ZNF541: variants seen among roughly 807,000 people sequenced by gnomAD.
ZNF541 encodes zinc finger protein 541.
A neutral mutation model predicts 123.5 loss-of-function variants in ZNF541; 23 were observed. The ratio of observed to expected loss-of-function variants is 0.19; its 90% CI spans 0.13 to 0.26. The LOEUF (loss-of-function observed/expected upper bound fraction) is 0.26. Among genes scored for constraint, ZNF541 ranks in the 10% least tolerant of loss-of-function variants. The pLI, the probability that ZNF541 is intolerant of heterozygous loss-of-function variation, is 1.00. For synonymous variants in ZNF541, 751 were observed against 754.5 expected (o/e 1.00, Z 0.08); for missense variants, 1,612 against 1,789.9 (o/e 0.90, Z 1.79).
chr19:47,544,023 G>T, intron 5 of ZNF541, 103 bp downstream of exon 5: 1 of 1,329,716 alleles, frequency 7.5e-7, no homozygotes, highest in Non-Finnish European at 1.0e-6. Flanking sequence ...CTGTAAAATT[G>T]CATCTGGGGA....
At chr19:47,548,774 G>A (rs1355618507) in intron 4 of ZNF541, among the ~76,000 whole-genome samples, 1 of 152,112 alleles carries the variant, frequency 6.6e-6, no homozygotes, top group Non-Finnish European at 1.5e-5. Context: ...GCGCTCTGAT[G>A]GTGTGAGAAG....
intron 4 of ZNF541, 72 bp downstream of exon 4, chr19:47,549,173 G>C: frequency 4.6e-6 from 7 of 1,536,262 alleles, no homozygotes; most frequent in Non-Finnish European, 6.1e-6. Context: ...GGGAGAATAG[G>C]AAGAAGACCC....
chr19:47,545,679 G>A lies in ZNF541; in HGVS notation c.850C>T (p.His284Tyr). 6.5e-7 allele frequency: 1 copy of A among 1,548,826 alleles called. No individual in the cohort carries two copies. The highest frequency in any genetic ancestry group is 8.7e-7 in the Non-Finnish European group (1 of 1,146,778). The change falls in exon 5 of 17, where the codon CAC (histidine) becomes TAC (tyrosine). Residue 284 changes from histidine to tyrosine, a missense_variant. Around this residue, in one of 5 missense-constraint regions of ZNF541, gnomAD observed 1,080 missense variants for 1,013.8 expected, o/e 1.07. Coordinates refer to ENST00000391901, the MANE Select transcript of ZNF541 (RefSeq NM_001277075.3). The surrounding 1 kb of genome is among the most constrained non-coding windows in gnomAD (Gnocchi z 7.5). ...GGGCCAGGAGAAGGGGTCTTCTGGTGGACGATGCTACTCACGATGCGGCGC... is the reference window on the plus strand; with the variant it reads ...GGGCCAGGAGAAGGGGTCTTCTGGTAGACGATGCTACTCACGATGCGGCGC... ...LLRRIVSSIV[H>Y]QKTPSPGPAP... is the part of the protein sequence containing the mutation.
chr19:47,533,202 C>T (rs575036043), intron 9 of ZNF541, among the ~76,000 whole-genome samples: 3 of 151,118 alleles, frequency 2.0e-5, no homozygotes, highest in South Asian at 2.1e-4. Context: ...AACCCTGTTC[C>T]TACTTAAAAT....
intron 5 of ZNF541, among the ~76,000 whole-genome samples, chr19:47,542,543 T>C (rs184969762): frequency 1.3e-5 from 2 of 152,034 alleles, no homozygotes; most frequent in East Asian, 1.9e-4. Context: ...TCCCAGCTAC[T>C]TGGAAGGCCC....
chr19:47,552,197 T>G (rs1391353006), intron 3 of ZNF541, among the ~76,000 whole-genome samples: 1 of 152,166 alleles, frequency 6.6e-6, no homozygotes, highest in Non-Finnish European at 1.5e-5. Context: ...TTATCAGGGA[T>G]ACTATGGAGA....
intron 2 of ZNF541, among the ~76,000 whole-genome samples, chr19:47,563,568 C>T (rs1379087710): frequency 1.3e-5 from 2 of 152,126 alleles, no homozygotes; most frequent in African/African-American, 4.8e-5. Flanking sequence ...AAACCCATCT[C>T]CCCCTGCATC....
At chr19:47,540,717 G>A (rs1050377917) in intron 6 of ZNF541, among the ~76,000 whole-genome samples, 176 bp downstream of exon 6, 2 of 152,172 alleles carry the variant, frequency 1.3e-5, no homozygotes, top group African/African-American at 4.8e-5. Flanking sequence ...TGGGATTACA[G>A]GCGTGAGCCA....
At chr19:47,551,130 A>G (rs1051043600) in intron 3 of ZNF541, among the ~76,000 whole-genome samples, 9 of 149,538 alleles carry the variant, frequency 6.0e-5, no homozygotes, top group African/African-American at 1.7e-4. Context: ...GGCTCACTGC[A>G]ACCTCTGCCT....
At position 47,521,874 on chromosome 19, in the gene ZNF541, C is replaced by T. The variant is rs1005227684; in HGVS notation, c.3691G>A (p.Val1231Met). ...EKRVKREPEE[V>M]ERTEEKVPCS... ...TCTACCTTTTCCTCTGTCCTTTCCACTTCCTCCGGCTCTCTCTTGACCCTC... is the reference window on the plus strand; with the variant it reads ...TCTACCTTTTCCTCTGTCCTTTCCATTTCCTCCGGCTCTCTCTTGACCCTC... The change falls in exon 15 of 17, where the codon GTG becomes ATG. Residue 1231 changes from valine to methionine, a missense_variant. Val to Met is a conservative substitution (Grantham distance 21, BLOSUM62 1). Coordinates refer to ENST00000391901, the MANE Select transcript of ZNF541 (RefSeq NM_001277075.3). The surrounding 1 kb of genome is among the most constrained non-coding windows in gnomAD (Gnocchi z 4.2). 5.7e-5 allele frequency: 89 copies of T among 1,551,696 alleles called. No individual in the cohort carries two copies. The highest frequency in any genetic ancestry group is 7.6e-5 in the Non-Finnish European group (87 of 1,147,014).
At chr19:47,527,545 G>T (rs981218748) in intron 14 of ZNF541, among the ~76,000 whole-genome samples, 1 of 151,728 alleles carries the variant, frequency 6.6e-6, no homozygotes, top group Non-Finnish European at 1.5e-5. Context: ...ACAAGCACGC[G>T]GCACCATGCT....
chr19:47,525,055 C>T (rs2122868780), intron 14 of ZNF541, among the ~76,000 whole-genome samples: 1 of 152,146 alleles, frequency 6.6e-6, no homozygotes, highest in East Asian at 1.9e-4. Flanking sequence ...GAGGCTGAGG[C>T]AGGTAGATCA....
intron 2 of ZNF541, among the ~76,000 whole-genome samples, chr19:47,556,762 T>TC (rs1970840215): frequency 6.8e-6 from 1 of 146,610 alleles, no homozygotes; most frequent in African/African-American, 2.5e-5. Context: ...TTCTTTTCCT[T>TC]TTTTTTTTTT....
At chr19:47,524,382 G>T (rs1969186653) in intron 14 of ZNF541, among the ~76,000 whole-genome samples, 1 of 152,136 alleles carries the variant, frequency 6.6e-6, no homozygotes, top group Non-Finnish European at 1.5e-5. Flanking sequence ...GGACATGAAA[G>T]GTTACCATAA....
rs772370329 is a variant in ZNF541, at chr19:47,555,793, A to C, written c.64T>G (p.Ser22Ala). 1.7e-5 allele frequency: 27 copies of C among 1,551,694 alleles called. No homozygotes were observed. In the South Asian group the frequency reaches 3.2e-4, roughly 18 times the overall value. ...LPSEMHLPSF[S>A]ESQGLNCSDT... ...CTGCAGTTGAGCCCTTGGCTCTCTG[A>C]AAATGAAGGGAGGTGCATTTCTGAT... Residue 22 changes from serine (S) to alanine (A), a missense_variant, in exon 3 of 17, where the codon TCA (serine) becomes GCA (alanine). Physicochemically the swap from Ser to Ala is moderately conservative, Grantham distance 99. Transcript: ENST00000391901.
Position 47,573,121 on chromosome 19 carries a change from C to T in ZNF541, c.-284G>A, listed in dbSNP as rs935112781. Reference sequence around the variant, plus strand: ...CTCGCGCGCCGGGCCTCGCGCCTGGCGCCTCGCGGGGCTCCCAGCGGCCTC... The same window carrying T: ...CTCGCGCGCCGGGCCTCGCGCCTGGTGCCTCGCGGGGCTCCCAGCGGCCTC... On this transcript the variant is annotated 5_prime_UTR_variant, in exon 1 of 17. Transcript: ENST00000391901. Among the ~76,000 whole-genome samples, 1 of 149,714 alleles carries T rather than the reference C, an allele frequency of 6.7e-6. No individual in the cohort carries two copies. The highest frequency in any genetic ancestry group is 2.4e-5 in the African/African-American group (1 of 41,138).
intron 1 of ZNF541, among the ~76,000 whole-genome samples, 148 bp from the exon 2 acceptor site, chr19:47,572,190 G>C (rs1971498627): frequency 1.3e-5 from 2 of 152,086 alleles, no homozygotes; most frequent in Admixed American, 1.3e-4. Flanking sequence ...AGGAGGAAAG[G>C]TTTTTTTGGT....
chr19:47,530,373 G>A (rs569688232), intron 12 of ZNF541, among the ~76,000 whole-genome samples: 13 of 147,092 alleles, frequency 8.8e-5, no homozygotes, highest in Admixed American at 3.4e-4. Context: ...TAGTAGAGAC[G>A]GGATTTTACC....
intron 10 of ZNF541, 49 bp from the exon 11 acceptor site, chr19:47,532,319 G>T: frequency 6.5e-7 from 1 of 1,542,094 alleles, no homozygotes; most frequent in Non-Finnish European, 8.8e-7. Flanking sequence ...ACATGACTGA[G>T]ATGGGAAGTG....
Sources: allele counts gnomAD v4.1 joint callset (sites outside exome capture counted in the v4.1 genomes callset), GRCh38; gene constraint gnomAD v4.1.1; regional missense constraint gnomAD v4.1.1; non-coding constraint Gnocchi (gnomAD v3.1); transcripts MANE v1.5; gene names NCBI Gene and HGNC (gene_info 2026-07-23, HGNC 2026-07-21).